Variants in CTSD observed in about 807,000 individuals in gnomAD.
CTSD encodes cathepsin D, also known as ceroid-lipofuscinosis, neuronal 10.
CTSD carries 28 observed loss-of-function variants against 43.6 expected under a neutral mutation model. The ratio of observed to expected loss-of-function variants is 0.64; its 90% CI spans 0.48 to 0.88. The LOEUF is 0.88. Ranked by LOEUF, CTSD falls within the 40% of genes least tolerant of loss-of-function variation. The pLI is 0.00. For synonymous variants in CTSD, 270 were observed against 249.8 expected (o/e 1.08, Z -0.76); for missense variants, 485 against 555.2 (o/e 0.87, Z 1.27).
At position 1,755,033 on chromosome 11, in the gene CTSD, G is replaced by A. The variant is rs1204044366; in HGVS notation, c.705-5C>T. 1 of 1,613,662 alleles carries A rather than the reference G, an allele frequency of 6.2e-7. No homozygotes were observed. Among genetic ancestry groups the A allele is most frequent in the South Asian group, 1.1e-5 (1 of 91,086 alleles). ...CCAGGCTGCGCATCTGGGTCCCTAG[G>A]AGGAAAAGGGAGGAGTCAGCTGCCA... is the stretch of plus-strand genomic sequence containing the variant. On this transcript the variant is annotated splice_polypyrimidine_tract_variant and splice_region_variant and intron_variant, in intron 5 of 8. Transcript: ENST00000236671.
intron 4 of CTSD, among the ~76,000 whole-genome samples, chr11:1,758,698 G>A (rs1039433016): frequency 2.0e-5 from 3 of 152,104 alleles, no homozygotes; most frequent in South Asian, 2.1e-4. Flanking sequence ...AAAAGAGCCC[G>A]ATCGATCTGC....
At chr11:1,755,140 G>A in intron 5 of CTSD, 112 bp from the exon 6 acceptor site, 1 of 1,326,164 alleles carries the variant, frequency 7.5e-7, no homozygotes, top group African/African-American at 1.4e-5. Context: ...TGAAGGAGGG[G>A]CCTTTCTGAA....
chr11:1,761,575 C>CA (rs1845878817), intron 1 of CTSD, 107 bp from the exon 2 acceptor site: 7 of 1,305,752 alleles, frequency 5.4e-6, no homozygotes, highest in Admixed American at 1.9e-5. Context: ...TCAGAGTCGC[C>CA]ACAGCCAAAA....
Position 1,759,065 on chromosome 11 carries a change from G to C in CTSD, c.375C>G (p.Ser125Arg). ...IACWIHHKYN[S>R]DKSSTYVKNG... Reference sequence around the variant, plus strand: ...TCTTCACGTAGGTGCTGGACTTGTCGCTGTTGTACTTGTGGTGGATCCCTG... The same window carrying C: ...TCTTCACGTAGGTGCTGGACTTGTCCCTGTTGTACTTGTGGTGGATCCCTG... The change falls in exon 4 of 9, where the codon AGC becomes AGG. Residue 125 changes from serine to arginine, a missense_variant. By Grantham distance (110) the Ser-to-Arg change is moderately radical (BLOSUM62 -1). Coordinates refer to ENST00000236671, the MANE Select transcript of CTSD (RefSeq NM_001909.5). The C allele has an allele frequency of 6.2e-7, 1 of 1,613,972 alleles. No homozygotes were observed. The highest frequency in any genetic ancestry group is 8.5e-7 in the Non-Finnish European group (1 of 1,179,830).
At chr11:1,758,404 C>G (rs1274372904) in intron 4 of CTSD, among the ~76,000 whole-genome samples, 1 of 152,174 alleles carries the variant, frequency 6.6e-6, no homozygotes, top group Non-Finnish European at 1.5e-5. Context: ...GAGGCCCAGG[C>G]AGGGTGACAA....
rs768487717 is a variant in CTSD at position 1,757,523 on chromosome 11, G to C, written c.505C>G (p.Leu169Val). 8.1e-6 allele frequency: 13 copies of C among 1,613,226 alleles called. No individual in the cohort carries two copies. The Admixed American group carries it at 1.2e-4, about 14-fold the overall frequency. Residue 169 changes from leucine (L) to valine (V), a missense_variant, in exon 5 of 9, where the codon CTG becomes GTG. Coordinates refer to ENST00000236671, the MANE Select transcript of CTSD (RefSeq NM_001909.5). ...TGCCTCTCCACTTTGACACCGCCCA[G>C]GGCAGAGGCTGACGACGCTGACTGG... ...PCQSASSASALGGVKVERQVF... is the reference protein window; with the variant it reads ...PCQSASSASAVGGVKVERQVF...
chr11:1,753,871 G>C lies in CTSD; in HGVS notation c.1003C>G (p.Leu335Val). Residue 335 changes from leucine to valine, a missense_variant, in exon 8 of 9, where the codon CTG (leucine) becomes GTG (valine). Leu to Val is a conservative substitution (Grantham distance 32, BLOSUM62 1). Transcript: ENST00000236671. ...CCCAGCTTCAGTGTGATCGCGGGCA[G>C]GGTGGACACCTTCTCACAGGGGATC... The part of the protein sequence containing the change: ...YMIPCEKVST[L>V]PAITLKLGGK... 1 of 1,613,616 alleles carries C rather than the reference G, an allele frequency of 6.2e-7. No individual in the cohort carries two copies. Among genetic ancestry groups the C allele is most frequent in the Non-Finnish European group, 8.5e-7 (1 of 1,179,700 alleles).
At chr11:1,754,753 G>T in intron 6 of CTSD, 153 bp downstream of exon 6, 1 of 923,104 alleles carries the variant, frequency 1.1e-6, no homozygotes, top group Non-Finnish European at 1.7e-6. Flanking sequence ...GCAAGGAGGG[G>T]CATGGAGGGC....
chr11:1,761,249 T>C lies in CTSD; in HGVS notation c.228+60A>G, dbSNP rs529403531. 12 of 1,591,944 alleles carry C rather than the reference T, an allele frequency of 7.5e-6. No individual in the cohort carries two copies. The East Asian group carries it at 2.5e-4, about 33-fold the overall frequency. On this transcript the variant is annotated intron_variant, in intron 2 of 8. Coordinates refer to ENST00000236671, the MANE Select transcript of CTSD (RefSeq NM_001909.5). ...CAGGAGGTGGGAATGTTCCCCATACTGCCACGGAGCTCTCCTGACAGTGGC... is the reference window on the plus strand; with the variant it reads ...CAGGAGGTGGGAATGTTCCCCATACCGCCACGGAGCTCTCCTGACAGTGGC...
Position 1,753,507 on chromosome 11 carries a change from AGGCG to A in CTSD, c.1231_1234del (p.Arg411SerfsTer79), listed in dbSNP as rs1565018401. 1.9e-6 allele frequency: 3 copies of A among 1,612,916 alleles called. No individual in the cohort carries two copies. Among genetic ancestry groups the A allele is most frequent in the Non-Finnish European group, 2.5e-6 (3 of 1,179,894 alleles). On this transcript the variant is annotated frameshift_variant, in exon 9 of 9. Coordinates refer to ENST00000236671, the MANE Select transcript of CTSD (RefSeq NM_001909.5). LOFTEE classifies it high-confidence loss of function. ...GGCGCGCGGACGCCTTGGGAACTAG[AGGCG>A]GGCAGCCTCGGCGAAGCCCACCCTG...
intron 6 of CTSD, 75 bp from the exon 7 acceptor site, chr11:1,754,213 G>A: frequency 6.5e-7 from 1 of 1,538,266 alleles, no homozygotes; most frequent in Non-Finnish European, 8.8e-7. Flanking sequence ...CTCCCTGGGA[G>A]CCCCTCCCCT....
chr11:1,758,206 C>T (rs1845832833), intron 4 of CTSD, among the ~76,000 whole-genome samples: 1 of 152,162 alleles, frequency 6.6e-6, no homozygotes, highest in African/African-American at 2.4e-5. Flanking sequence ...TCCAGCCCAG[C>T]AGGGAACTGT....
At chr11:1,758,755 C>T (rs1845838952) in intron 4 of CTSD, among the ~76,000 whole-genome samples, 1 of 152,126 alleles carries the variant, frequency 6.6e-6, no homozygotes, top group Non-Finnish European at 1.5e-5. Context: ...GGGACCCCTG[C>T]CCCTGTACCC....
chr11:1,757,037 A>G (rs1845818025), intron 5 of CTSD, among the ~76,000 whole-genome samples: 1 of 152,200 alleles, frequency 6.6e-6, no homozygotes, highest in Non-Finnish European at 1.5e-5. Flanking sequence ...ACCTGGGTCC[A>G]TTCTCATAGG....
chr11:1,762,928 C>A (rs1395056675), intron 1 of CTSD: 1 of 152,480 alleles, frequency 6.6e-6, no homozygotes, highest in Non-Finnish European at 1.5e-5. Context: ...CACCCACCTG[C>A]CAAAAGGCAG....
intron 6 of CTSD, among the ~76,000 whole-genome samples, chr11:1,754,450 GATAGACA>G (rs1845775409): frequency 1.5e-5 from 2 of 135,516 alleles, no homozygotes; most frequent in African/African-American, 2.8e-5. Flanking sequence ...GGGATGGAGG[GATAGACA>G]GATGGAGGGG....
chr11:1,760,663 C>T (rs1040805427), intron 2 of CTSD: 2 of 155,292 alleles, frequency 1.3e-5, no homozygotes, highest in South Asian at 3.7e-4. Flanking sequence ...CCCCCCAGGG[C>T]CCCCCTGGCC....
At chr11:1,755,156 AG>A in intron 5 of CTSD, 128 bp from the exon 6 acceptor site, 1 of 1,103,350 alleles carries the variant, frequency 9.1e-7, no homozygotes, top group South Asian at 1.3e-5. Context: ...CTGAAACTGC[AG>A]GGATGGAAAG....
chr11:1,763,534 C>G (rs886943809), intron 1 of CTSD: 2 of 478,284 alleles, frequency 4.2e-6, no homozygotes, highest in Admixed American at 8.7e-5. Flanking sequence ...CTGCAGTCCT[C>G]AAGGTACAAC....
Sources: gnomAD v4.1 joint callset for allele counts (sites outside exome capture counted in the v4.1 genomes callset) on GRCh38, gnomAD v4.1.1 for gene constraint, MANE v1.5 for transcripts, NCBI Gene and HGNC (gene_info 2026-07-23, HGNC 2026-07-21) for gene names.